CELF2: variants seen among roughly 807,000 people sequenced by gnomAD.
CELF2 encodes the protein CUGBP Elav-like family member 2.
CELF2 carries 8 observed loss-of-function variants against 62.6 expected under a neutral mutation model. The observed-to-expected ratio is 0.13, with a 90% CI of 0.07 to 0.23. CELF2 has a LOEUF of 0.23. CELF2 is among the 10% of genes least tolerant of loss of function. The pLI is 1.00. For missense variants in CELF2, 333 were observed against 671.0 expected (o/e 0.50, Z 5.56); for synonymous variants, 258 against 250.0 (o/e 1.03, Z -0.30).
the CELF2 span, among the ~76,000 whole-genome samples, chr10:10,755,115 G>A: frequency 1.3e-5 from 2 of 152,144 alleles, no homozygotes; most frequent in Non-Finnish European, 2.9e-5. Flanking sequence ...AAAAAAATAA[G>A]AGGTGGCAAA....
the CELF2 span, among the ~76,000 whole-genome samples, chr10:10,731,327 C>G: frequency 6.6e-6 from 1 of 152,072 alleles, no homozygotes; most frequent in African/African-American, 2.4e-5. Flanking sequence ...AAAAACATGG[C>G]TTGCTGTGAC....
intron 5 of CELF2, among the ~76,000 whole-genome samples, chr10:11,258,192 T>G (rs956898438): frequency 1.3e-5 from 2 of 152,144 alleles, no homozygotes; most frequent in Admixed American, 1.3e-4. Flanking sequence ...GAAGGAGAAG[T>G]AGAAAATGAG....
the CELF2 span, among the ~76,000 whole-genome samples, chr10:10,469,008 C>CA: frequency 7.6e-4 from 115 of 151,396 alleles, 1 homozygote; most frequent in African/African-American, 2.5e-3. Context: ...TATTACAGTG[C>CA]AAAAAAAATG....
the CELF2 span, among the ~76,000 whole-genome samples, chr10:10,566,786 T>G: frequency 6.6e-6 from 1 of 152,168 alleles, no homozygotes; most frequent in Non-Finnish European, 1.5e-5. Flanking sequence ...ACTTTAGATT[T>G]TTCAAGGCTA....
chr10:10,703,017 G>A, the CELF2 span, among the ~76,000 whole-genome samples: 1 of 152,150 alleles, frequency 6.6e-6, no homozygotes, highest in East Asian at 1.9e-4. Flanking sequence ...TACCCAAAGG[G>A]TCATCCCACT....
At chr10:10,663,643 T>G in the CELF2 span, among the ~76,000 whole-genome samples, 4 of 152,218 alleles carry the variant, frequency 2.6e-5, no homozygotes, top group Non-Finnish European at 5.9e-5. Flanking sequence ...CAGGGTAAGA[T>G]GATAAGAAAT....
chr10:11,028,428 T>C (rs1337983345), intron 1 of CELF2, among the ~76,000 whole-genome samples: 1 of 145,130 alleles, frequency 6.9e-6, no homozygotes, highest in African/African-American at 2.5e-5. Flanking sequence ...TTTTCTTTTT[T>C]TTTTTTTTTG....
chr10:10,766,427 G>C, the CELF2 span, among the ~76,000 whole-genome samples: 1 of 152,194 alleles, frequency 6.6e-6, no homozygotes, highest in Non-Finnish European at 1.5e-5. Context: ...AGGGGAGGAA[G>C]GGAGAGCCAT....
the CELF2 span, among the ~76,000 whole-genome samples, chr10:10,611,304 C>A: frequency 1.3e-5 from 2 of 152,132 alleles, no homozygotes; most frequent in Non-Finnish European, 2.9e-5. Flanking sequence ...ACACAGCAAG[C>A]ACTGGGCTTA....
intron 1 of CELF2, among the ~76,000 whole-genome samples, chr10:10,818,811 C>T (rs575102212): frequency 1.3e-5 from 2 of 152,236 alleles, no homozygotes; most frequent in African/African-American, 4.8e-5. Context: ...CTCCTAACCT[C>T]GAGTAATCTG....
At chr10:10,653,901 A>G in the CELF2 span, among the ~76,000 whole-genome samples, 1 of 151,882 alleles carries the variant, frequency 6.6e-6, no homozygotes, top group Non-Finnish European at 1.5e-5. Context: ...GACACAAAAA[A>G]CCCTTCAAAA....
chr10:10,525,990 G>A, the CELF2 span, among the ~76,000 whole-genome samples: 1 of 152,164 alleles, frequency 6.6e-6, no homozygotes, highest in East Asian at 1.9e-4. Flanking sequence ...AACGTGTGTT[G>A]TCTTTCTGAT....
chr10:11,284,808 TGATG>T lies in CELF2; in HGVS notation c.842-3600_842-3597del, dbSNP rs150355045. Among the ~76,000 whole-genome samples the T allele has an allele frequency of 8.2e-3, 1,214 of 148,106 alleles. 28 individuals carry two copies. The highest frequency in any genetic ancestry group is 0.028 in the East Asian group (140 of 4,916). ...GGATGGTGGATGGATGGTGGGCGGA[TGATG>T]GATGGATGGGTGGGAGAATAATGGA... On this transcript the variant is annotated intron_variant, in intron 8 of 12. Coordinates refer to ENST00000633077, the MANE Select transcript of CELF2 (RefSeq NM_001326342.2).
intron 1 of CELF2, among the ~76,000 whole-genome samples, chr10:11,118,171 C>T (rs540274041): frequency 3.3e-5 from 5 of 151,986 alleles, no homozygotes; most frequent in Admixed American, 2.6e-4. Context: ...ATTTTAGTAG[C>T]GCCAACTGAG....
chr10:11,283,940 G>A (rs371927651), intron 8 of CELF2, among the ~76,000 whole-genome samples: 2 of 149,258 alleles, frequency 1.3e-5, no homozygotes, highest in Admixed American at 6.7e-5. Flanking sequence ...GTGTGTGGTG[G>A]GTGGATGAGG....
chr10:10,883,972 C>T (rs538231978), intron 1 of CELF2, among the ~76,000 whole-genome samples: 1 of 151,478 alleles, frequency 6.6e-6, no homozygotes, highest in African/African-American at 2.4e-5. Flanking sequence ...TACTTTTGTC[C>T]TCCTCTCTCT....
intron 1 of CELF2, among the ~76,000 whole-genome samples, chr10:11,033,277 T>TA (rs1414962844): frequency 2.1e-5 from 3 of 145,336 alleles, no homozygotes; most frequent in Non-Finnish European, 3.0e-5. Context: ...TTTTTTTTTT[T>TA]AGACAGTTTT....
At chr10:10,966,092 C>G (rs1469127015) in intron 2 of CELF2, among the ~76,000 whole-genome samples, 2 of 152,198 alleles carry the variant, frequency 1.3e-5, no homozygotes, top group Non-Finnish European at 2.9e-5. Context: ...AGTGGGGTAC[C>G]CAGATAGGAG....
the CELF2 span, among the ~76,000 whole-genome samples, chr10:10,613,308 G>C: frequency 1.3e-5 from 2 of 152,144 alleles, no homozygotes; most frequent in Admixed American, 1.3e-4. Flanking sequence ...AAAAAGCAGA[G>C]AGAGTTTAAA....
Sources: gnomAD v4.1 joint callset for allele counts (sites outside exome capture counted in the v4.1 genomes callset) on GRCh38, gnomAD v4.1.1 for gene constraint, MANE v1.5 for transcripts, NCBI Gene and HGNC (gene_info 2026-07-23, HGNC 2026-07-21) for gene names.